The following SYNPR variants were observed in gnomAD, a reference collection of about 807,000 sequenced individuals.
SYNPR encodes the protein synaptoporin.
A neutral mutation model predicts 32.9 loss-of-function variants in SYNPR; 23 were observed. The observed-to-expected ratio is 0.70, with a 90% confidence interval of 0.50 to 0.99. The LOEUF (loss-of-function observed/expected upper bound fraction) is 0.99. Ranked by LOEUF, SYNPR falls within the 50% of genes least tolerant of loss-of-function variation. SYNPR has a pLI of 0.00. For missense variants in SYNPR, 318 were observed against 349.3 expected (o/e 0.91, Z 0.71); for synonymous variants, 146 against 135.9 (o/e 1.07, Z -0.52).
intron 2 of SYNPR, among the ~76,000 whole-genome samples, chr3:63,394,640 C>G (rs773788698): frequency 1.3e-5 from 2 of 152,102 alleles, no homozygotes; most frequent in Non-Finnish European, 2.9e-5. Context: ...AGAAAAAATG[C>G]TCCCCAGATA....
chr3:63,228,913 C>T (rs527551620), intron 1 of SYNPR, among the ~76,000 whole-genome samples: 5 of 151,242 alleles, frequency 3.3e-5, no homozygotes, highest in African/African-American at 1.2e-4. Context: ...TGAAATGATG[C>T]TATTTCATGC....
intron 3 of SYNPR, among the ~76,000 whole-genome samples, chr3:63,548,126 A>G (rs1475847316): frequency 1.3e-5 from 2 of 152,176 alleles, no homozygotes; most frequent in Non-Finnish European, 2.9e-5. Flanking sequence ...TTGTCTCCCC[A>G]TCTGTTTCTA....
intron 3 of SYNPR, among the ~76,000 whole-genome samples, chr3:63,547,868 T>A: frequency 6.6e-6 from 1 of 152,314 alleles, no homozygotes; most frequent in Admixed American, 6.5e-5. Context: ...AATCACTTGA[T>A]CAAATTTGAA....
intron 4 of SYNPR, among the ~76,000 whole-genome samples, chr3:63,573,988 T>C (rs1702936078): frequency 6.6e-6 from 1 of 152,096 alleles, no homozygotes; most frequent in Non-Finnish European, 1.5e-5. Context: ...TTTTCCACCC[T>C]TAGAATCTGG....
At chr3:63,384,969 T>C (rs967685339) in intron 2 of SYNPR, among the ~76,000 whole-genome samples, 10 of 152,134 alleles carry the variant, frequency 6.6e-5, no homozygotes, top group Admixed American at 3.3e-4. Flanking sequence ...GGAGGCATGC[T>C]TGAGGTGGAA....
chr3:63,597,682 C>A (rs570507428), intron 4 of SYNPR, among the ~76,000 whole-genome samples: 1 of 152,178 alleles, frequency 6.6e-6, no homozygotes, highest in Admixed American at 6.5e-5. Context: ...CAATTCAAAT[C>A]TCAGTTACCT....
chr3:63,335,352 CAAAAAAA>C (rs35394118), intron 2 of SYNPR, among the ~76,000 whole-genome samples: 2 of 84,952 alleles, frequency 2.4e-5, no homozygotes, highest in Non-Finnish European at 4.3e-5. Flanking sequence ...GACTCCGTCT[CAAAAAAA>C]AAAAAAAAAA....
At chr3:63,522,368 C>G (rs961463306) in intron 3 of SYNPR, among the ~76,000 whole-genome samples, 4 of 152,236 alleles carry the variant, frequency 2.6e-5, no homozygotes, top group Non-Finnish European at 5.9e-5. Context: ...ATTATTGCTA[C>G]TACGTATTCA....
chr3:63,562,704 G>A (rs6445360), intron 4 of SYNPR, among the ~76,000 whole-genome samples: 67,110 of 152,028 alleles, frequency 0.44, 15,647 homozygotes, highest in African/African-American at 0.59. Context: ...TTTAGTGAGC[G>A]CTAGACATTG....
At chr3:63,604,854 C>A (rs934048594) in intron 4 of SYNPR, among the ~76,000 whole-genome samples, 1 of 152,134 alleles carries the variant, frequency 6.6e-6, no homozygotes, top group African/African-American at 2.4e-5. Flanking sequence ...TTGGCCAGTG[C>A]CTTGATTATT....
intron 4 of SYNPR, among the ~76,000 whole-genome samples, chr3:63,568,906 A>C (rs1055692322): frequency 6.6e-6 from 1 of 152,180 alleles, no homozygotes; most frequent in Non-Finnish European, 1.5e-5. Flanking sequence ...AATAATTTCT[A>C]TCTCTTCTGT....
At chr3:63,421,988 T>C (rs533385373) in intron 2 of SYNPR, among the ~76,000 whole-genome samples, 4 of 152,382 alleles carry the variant, frequency 2.6e-5, no homozygotes, top group African/African-American at 9.6e-5. Context: ...GCCTCTCTTT[T>C]GATTAACTTA....
At chr3:63,571,692 A>G (rs1702889980) in intron 4 of SYNPR, among the ~76,000 whole-genome samples, 1 of 152,106 alleles carries the variant, frequency 6.6e-6, no homozygotes, top group African/African-American at 2.4e-5. Flanking sequence ...CAGACTTTAT[A>G]CTCTTGCTTA....
chr3:63,350,972 G>C (rs921780123), intron 2 of SYNPR, among the ~76,000 whole-genome samples: 1 of 152,110 alleles, frequency 6.6e-6, no homozygotes, highest in African/African-American at 2.4e-5. Flanking sequence ...CCTCAGTTGG[G>C]TTCCATTTAG....
intron 2 of SYNPR, among the ~76,000 whole-genome samples, chr3:63,349,914 CA>C (rs1475963518): frequency 6.6e-6 from 1 of 151,922 alleles, no homozygotes; most frequent in Non-Finnish European, 1.5e-5. Flanking sequence ...AAGGCAAATG[CA>C]AAAAATAAGG....
intron 2 of SYNPR, among the ~76,000 whole-genome samples, chr3:63,327,927 C>T (rs913503153): frequency 6.6e-6 from 1 of 151,870 alleles, no homozygotes; most frequent in African/African-American, 2.4e-5. Flanking sequence ...AGAAATTCAC[C>T]TTAAAAAAGG....
intron 1 of SYNPR, among the ~76,000 whole-genome samples, chr3:63,236,466 G>C (rs769207145): frequency 6.6e-6 from 1 of 152,002 alleles, no homozygotes; most frequent in Non-Finnish European, 1.5e-5. Flanking sequence ...AATTTGGGGA[G>C]AATTGATGTA....
At chr3:63,264,490 C>A (rs1033382612) in intron 2 of SYNPR, among the ~76,000 whole-genome samples, 3 of 152,074 alleles carry the variant, frequency 2.0e-5, no homozygotes, top group African/African-American at 7.2e-5. Context: ...ATATGAAGGG[C>A]AATTTTATTA....
chr3:63,548,867 G>C (rs142328565), intron 3 of SYNPR, among the ~76,000 whole-genome samples: 17 of 152,234 alleles, frequency 1.1e-4, no homozygotes, highest in African/African-American at 4.1e-4. Flanking sequence ...CTGAACCACC[G>C]CCAAATGTAT....
Sources: gnomAD v4.1 joint callset for allele counts (sites outside exome capture counted in the v4.1 genomes callset) on GRCh38, gnomAD v4.1.1 for gene constraint, MANE v1.5 for transcripts, NCBI Gene and HGNC (gene_info 2026-07-23, HGNC 2026-07-21) for gene names.